PCDHGA5: variants seen among roughly 807,000 people sequenced by gnomAD.
PCDHGA5 encodes the protein protocadherin gamma-A5.
Under a neutral mutation model 56.7 loss-of-function variants are expected in PCDHGA5, and 36 were observed. The ratio of observed to expected loss-of-function variants is 0.64; its 90% CI spans 0.49 to 0.84. The LOEUF is 0.84. Among genes scored for constraint, PCDHGA5 ranks in the 40% least tolerant of loss-of-function variants. The pLI is 0.00. For synonymous variants in PCDHGA5, 563 were observed against 520.2 expected, an observed-to-expected ratio of 1.08 and a Z score of -1.12; for missense variants, 1,305 against 1,201.5, an observed-to-expected ratio of 1.09 and a Z score of -1.27.
chr5:141,388,826 CAT>C, intron 1 of PCDHGA5: 1 of 1,613,864 alleles, frequency 6.2e-7, no homozygotes, highest in Non-Finnish European at 8.5e-7. Flanking sequence ...AAGAATATTC[CAT>C]AGTTTTGGAA....
At chr5:141,483,840 T>C (rs996866862) in intron 1 of PCDHGA5, among the ~76,000 whole-genome samples, 2 of 152,172 alleles carry the variant, frequency 1.3e-5, no homozygotes, top group South Asian at 2.1e-4. Context: ...AAGGACTTGG[T>C]TGAATTAAGA....
rs996556361 is a variant in PCDHGA5, at chr5:141,511,290, A to G, written c.*117A>G. 1.3e-6 allele frequency: 2 copies of G among 1,516,984 alleles called. No homozygotes were observed. The highest frequency in any genetic ancestry group is 1.8e-6 in the Non-Finnish European group (2 of 1,129,124). The allele number at this position is 1,516,984 out of a possible 1,614,324, so 94.0% of individuals were successfully genotyped here. ...AACCCCCAGAATACTGGTAGGGGCC[A>G]AGGCCATGCTCCCCTTGGGAAACAG... is the stretch of plus-strand genomic sequence containing the variant. On this transcript the variant is annotated 3_prime_UTR_variant, in exon 4 of 4. Coordinates refer to ENST00000518069, the MANE Select transcript of PCDHGA5 (RefSeq NM_018918.3).
At chr5:141,372,003 C>T (rs552358423) in intron 1 of PCDHGA5, 1 of 1,613,296 alleles carries the variant, frequency 6.2e-7, no homozygotes, top group African/African-American at 1.3e-5. Flanking sequence ...GGCCCGCGAC[C>T]AGGGCTCGCC....
intron 1 of PCDHGA5, chr5:141,414,906 A>C (rs749933537): frequency 6.2e-7 from 1 of 1,614,146 alleles, no homozygotes; most frequent in Admixed American, 1.7e-5. Context: ...ACGGTTCCAC[A>C]GGCGTGGAGC....
chr5:141,399,817 G>T (rs369747431), intron 1 of PCDHGA5: 1 of 1,613,224 alleles, frequency 6.2e-7, no homozygotes, highest in South Asian at 1.1e-5. Flanking sequence ...CCCCGCGCTG[G>T]GTCCCGACGG....
intron 1 of PCDHGA5, chr5:141,409,037 T>A: frequency 3.7e-6 from 6 of 1,613,992 alleles, no homozygotes; most frequent in Non-Finnish European, 5.1e-6. Context: ...TGAGATAAAC[T>A]ACTACTTCCG....
chr5:141,501,125 C>A (rs2099805699), intron 2 of PCDHGA5, among the ~76,000 whole-genome samples: 1 of 152,140 alleles, frequency 6.6e-6, no homozygotes, highest in South Asian at 2.1e-4. Context: ...CCTCAGCCTC[C>A]CTAAGTGCTG....
At chr5:141,410,659 C>T (rs1481225976) in intron 1 of PCDHGA5, 5 of 1,571,890 alleles carry the variant, frequency 3.2e-6, no homozygotes, top group Non-Finnish European at 4.3e-6. Flanking sequence ...ATCTAATAGT[C>T]TACTAGTTTC....
At position 141,432,640 on chromosome 5, in the gene PCDHGA5, C is replaced by T. The variant is rs2097523683; in HGVS notation, c.2422-62167C>T. On this transcript the variant is annotated intron_variant, in intron 1 of 3. Transcript: ENST00000518069. This position sits in a 1 kb window ranked among gnomAD's most constrained non-coding sequence, Gnocchi z 6.0. ...TGGGTCTGCACACGGGCGAGGTGCG[C>T]ACGGCGCGAGCCCTGCTGGACAGAG... 1.9e-6 allele frequency: 3 copies of T among 1,613,814 alleles called. No individual in the cohort carries two copies. The highest frequency in any genetic ancestry group is 2.5e-6 in the Non-Finnish European group (3 of 1,179,932).
Position 141,485,844 on chromosome 5 carries a change from G to T in PCDHGA5, c.2422-8963G>T. On this transcript the variant is annotated intron_variant, in intron 1 of 3. Transcript: ENST00000518069. This position sits in a 1 kb window ranked among gnomAD's most constrained non-coding sequence, Gnocchi z 5.7. ...GATGGAGGGAACCCGCCGAGATCTG[G>T]CACCGCAGAGCTCCGGGTATCCGTG... The T allele has an allele frequency of 1.9e-6, 3 of 1,613,890 alleles. 1 individual carries two copies. The South Asian group carries it at 3.3e-5, about 18-fold the overall frequency.
At chr5:141,421,080 C>G in intron 1 of PCDHGA5, 1 of 638,368 alleles carries the variant, frequency 1.6e-6, no homozygotes, top group South Asian at 2.1e-5. Flanking sequence ...GATGGATACT[C>G]ACAGATCCTG....
chr5:141,375,886 C>G lies in PCDHGA5; in HGVS notation c.2421+9135C>G, dbSNP rs1772014955. The G allele has an allele frequency of 1.2e-6, 2 of 1,613,822 alleles. No homozygotes were observed. Among genetic ancestry groups the G allele is most frequent in the Non-Finnish European group, 8.5e-7 (1 of 1,180,024 alleles). On this transcript the variant is annotated intron_variant, in intron 1 of 3. Coordinates refer to ENST00000518069, the MANE Select transcript of PCDHGA5 (RefSeq NM_018918.3). ...CGGTGGACAGAGACTCGGGCCAGAACGCCTGGCTGTCCTACCGCCTGCTCA... is the reference window on the plus strand; with the variant it reads ...CGGTGGACAGAGACTCGGGCCAGAAGGCCTGGCTGTCCTACCGCCTGCTCA...
At position 141,487,570 on chromosome 5, in the gene PCDHGA5, T is replaced by A; in HGVS notation, c.2422-7237T>A. 6.2e-7 allele frequency: 1 copy of A among 1,614,178 alleles called. No homozygotes were observed. On this transcript the variant is annotated intron_variant, in intron 1 of 3. Transcript: ENST00000518069. The surrounding 1 kb of genome is among the most constrained non-coding windows in gnomAD (Gnocchi z 5.0). ...CCAGTGCACCTATGGCAGGGGAGCCTGTTCGCCCAAGCTGCCCACCCTCTG... is the reference window on the plus strand; with the variant it reads ...CCAGTGCACCTATGGCAGGGGAGCCAGTTCGCCCAAGCTGCCCACCCTCTG...
chr5:141,384,259 C>T, intron 1 of PCDHGA5: 2 of 1,613,886 alleles, frequency 1.2e-6, no homozygotes, highest in African/African-American at 1.3e-5. Flanking sequence ...CACCTTCCCC[C>T]ACTCATCCTA....
chr5:141,419,138 A>C, intron 1 of PCDHGA5: 1 of 1,613,920 alleles, frequency 6.2e-7, no homozygotes, highest in Non-Finnish European at 8.5e-7. Context: ...AGCCACAGAC[A>C]GGGGCAAGCC....
At chr5:141,472,805 G>C (rs2099297767) in intron 1 of PCDHGA5, among the ~76,000 whole-genome samples, 1 of 151,688 alleles carries the variant, frequency 6.6e-6, no homozygotes, top group African/African-American at 2.4e-5. Context: ...GACCAACATG[G>C]AGAAACCCCC....
chr5:141,404,314 A>G (rs772060934), intron 1 of PCDHGA5: 1 of 1,613,922 alleles, frequency 6.2e-7, no homozygotes, highest in East Asian at 2.2e-5. Context: ...CTTTCTCTCA[A>G]GCCTCCTACT....
intron 2 of PCDHGA5, among the ~76,000 whole-genome samples, chr5:141,504,354 G>C (rs1349256606): frequency 6.6e-6 from 1 of 152,100 alleles, no homozygotes; most frequent in Non-Finnish European, 1.5e-5. Flanking sequence ...TGTGCTAGGT[G>C]CTTCAGTAGG....
chr5:141,393,858 A>C lies in PCDHGA5; in HGVS notation c.2421+27107A>C, dbSNP rs777304987. 5 of 1,613,912 alleles carry C rather than the reference A, an allele frequency of 3.1e-6. No homozygotes were observed. The South Asian group carries it at 3.3e-5, about 11-fold the overall frequency. Reference sequence around the variant, plus strand: ...AAATGACAATAGACCAGAAGTGATCATTACGTCTTTGTTTAGCCCAGTGTT... The same window carrying C: ...AAATGACAATAGACCAGAAGTGATCCTTACGTCTTTGTTTAGCCCAGTGTT... On this transcript the variant is annotated intron_variant, in intron 1 of 3. Coordinates refer to ENST00000518069, the MANE Select transcript of PCDHGA5 (RefSeq NM_018918.3).
Sources: allele counts gnomAD v4.1 joint callset (sites outside exome capture counted in the v4.1 genomes callset), GRCh38; gene constraint gnomAD v4.1.1; non-coding constraint Gnocchi (gnomAD v3.1); transcripts MANE v1.5; gene names NCBI Gene and HGNC (gene_info 2026-07-23, HGNC 2026-07-21).